The following INSL6 variants were observed in gnomAD, a reference collection of about 807,000 sequenced individuals.
The protein encoded by INSL6 is insulin like 6.
A neutral mutation model predicts 9.4 loss-of-function variants in INSL6; 16 were observed. The ratio of observed to expected loss-of-function variants is 1.70; its 90% confidence interval spans 1.15 to 2.59. INSL6 has a LOEUF of 2.59. Ranked by LOEUF, INSL6 falls within the 30% of genes most tolerant of loss-of-function variation. INSL6 has a pLI of 0.00. For missense variants in INSL6, 391 were observed against 257.3 expected (o/e 1.52, Z -3.56); for synonymous variants, 154 against 96.9 (o/e 1.59, Z -3.46).
chr9:4,999,366 A>G, the INSL6 span, among the ~76,000 whole-genome samples: 9 of 152,346 alleles, frequency 5.9e-5, no homozygotes, highest in South Asian at 1.9e-3. Context: ...AGGCAGTAGT[A>G]GTATACAAGC....
chr9:5,117,639 A>T, the INSL6 span, among the ~76,000 whole-genome samples: 4 of 152,024 alleles, frequency 2.6e-5, no homozygotes, highest in East Asian at 7.7e-4. Flanking sequence ...TACATTACTT[A>T]TGTTAACAGG....
At chr9:5,135,850 A>C (rs1824378842) in intron 2 of INSL6, among the ~76,000 whole-genome samples, 1 of 152,128 alleles carries the variant, frequency 6.6e-6, no homozygotes, top group South Asian at 2.1e-4. Context: ...TTTTTTGAAA[A>C]AAATCAACAA....
At chr9:5,080,681 C>T in the INSL6 span, 1 of 1,564,284 alleles carries the variant, frequency 6.4e-7, no homozygotes, top group Non-Finnish European at 8.6e-7. Flanking sequence ...TTGTTTACTC[C>T]AGGTATGTAT....
the INSL6 span, chr9:5,041,140 C>T: frequency 9.5e-7 from 1 of 1,047,284 alleles, no homozygotes; most frequent in South Asian, 1.3e-5. Context: ...TGATCGCCAT[C>T]CGGCTGATCA....
At chr9:5,054,775 G>C in the INSL6 span, 11 of 1,612,704 alleles carry the variant, frequency 6.8e-6, no homozygotes, top group Admixed American at 8.3e-5. The surrounding 1 kb of genome is among the most constrained non-coding windows in gnomAD (Gnocchi z 4.9). Flanking sequence ...AAAGAACCTG[G>C]AAGTGGTCCT....
the INSL6 span, chr9:5,040,995 C>G: frequency 2.2e-5 from 14 of 637,716 alleles, no homozygotes; most frequent in Non-Finnish European, 3.2e-5. Context: ...TGGAGCTGAT[C>G]AAGTTCCGGA....
chr9:5,046,188 G>A, the INSL6 span, among the ~76,000 whole-genome samples: 2 of 152,106 alleles, frequency 1.3e-5, no homozygotes, highest in African/African-American at 4.8e-5. Flanking sequence ...TTGCAGAGAT[G>A]TTGCTTGTTG....
chr9:5,090,557 C>G, the INSL6 span: 5 of 1,578,578 alleles, frequency 3.2e-6, no homozygotes, highest in Non-Finnish European at 4.3e-6. Flanking sequence ...CAGTACACAT[C>G]TCAGATATGC....
At chr9:5,007,206 T>G in the INSL6 span, among the ~76,000 whole-genome samples, 1 of 152,276 alleles carries the variant, frequency 6.6e-6, no homozygotes, top group African/African-American at 2.4e-5. Context: ...TTAATAACAT[T>G]GTTCAGCCTT....
chr9:5,112,091 C>G, the INSL6 span: 1 of 364,634 alleles, frequency 2.7e-6, no homozygotes, highest in African/African-American at 2.2e-5. Flanking sequence ...TAGAAGACCA[C>G]CTACCTGAAC....
At chr9:5,085,034 G>A in the INSL6 span, 1 of 804,552 alleles carries the variant, frequency 1.2e-6, no homozygotes, top group Non-Finnish European at 2.1e-6. Flanking sequence ...AAAGTTGAAT[G>A]AGGGCGTCTC....
the INSL6 span, among the ~76,000 whole-genome samples, chr9:5,105,054 G>T: frequency 6.6e-6 from 1 of 152,276 alleles, no homozygotes; most frequent in East Asian, 1.9e-4. Context: ...AGAAGTTCTG[G>T]CCAGGGCAAT....
At chr9:5,126,517 C>G in intron 3 of INSL6, 1 of 1,112,370 alleles carries the variant, frequency 9.0e-7, no homozygotes, top group Non-Finnish European at 1.3e-6. Context: ...CTTCAGTTCA[C>G]TTCCTGAAAT....
chr9:5,090,585 G>C, the INSL6 span: 1 of 1,554,340 alleles, frequency 6.4e-7, no homozygotes, highest in Non-Finnish European at 8.7e-7. Flanking sequence ...CTAATATCCT[G>C]ATTATTTGCT....
chr9:5,080,480 G>T, the INSL6 span: 3 of 1,537,810 alleles, frequency 2.0e-6, no homozygotes, highest in South Asian at 1.2e-5. Context: ...TTAAAAAGAA[G>T]GTTGGTGTGG....
At chr9:5,089,664 T>A in the INSL6 span, 1 of 1,316,540 alleles carries the variant, frequency 7.6e-7, no homozygotes, top group East Asian at 2.8e-5. Flanking sequence ...TAATGTGATG[T>A]GTCATTTAGG....
chr9:5,096,284 C>G, the INSL6 span, among the ~76,000 whole-genome samples: 1 of 152,162 alleles, frequency 6.6e-6, no homozygotes, highest in African/African-American at 2.4e-5. Context: ...TTAAATAAGA[C>G]CAGGGACCTT....
the INSL6 span, among the ~76,000 whole-genome samples, chr9:5,076,382 C>T: frequency 6.6e-6 from 1 of 152,080 alleles, no homozygotes; most frequent in African/African-American, 2.4e-5. Context: ...AAGAAACTGC[C>T]ACAGCTACCT....
Position 5,163,941 on chromosome 9 carries a change from C to G in INSL6, c.614G>C (p.Arg205Thr), listed in dbSNP as rs766790610. 3.1e-6 allele frequency: 5 copies of G among 1,605,324 alleles called. No individual in the cohort carries two copies. In the African/African-American group the frequency reaches 6.7e-5, roughly 21 times the overall value. Reference sequence around the variant, plus strand: ...GTATATCTTAGTTACAAGTGATGATCTTTTTTCCTTTAGCCTTTTAAAATC... The same window carrying G: ...GTATATCTTAGTTACAAGTGATGATGTTTTTTCCTTTAGCCTTTTAAAATC... ...YIDFKRLKEK[R>T]SSLVTKIY The change falls in exon 2 of 2, where the codon AGA becomes ACA. Residue 205 changes from arginine to threonine, a missense_variant. Physicochemically the swap from Arg to Thr is moderately conservative, Grantham distance 71 (BLOSUM62 -1). Coordinates refer to ENST00000381641, the MANE Select transcript of INSL6 (RefSeq NM_007179.3).
Sources: gnomAD v4.1 joint callset for allele counts (sites outside exome capture counted in the v4.1 genomes callset) on GRCh38, gnomAD v4.1.1 for gene constraint, Gnocchi (gnomAD v3.1) non-coding constraint, MANE v1.5 for transcripts, NCBI Gene and HGNC (gene_info 2026-07-23, HGNC 2026-07-21) for gene names.